The following ARHGAP6 variants were observed in gnomAD, a reference collection of about 807,000 sequenced individuals.
ARHGAP6 encodes Rho GTPase activating protein 6.
A neutral mutation model predicts 55.7 loss-of-function variants in ARHGAP6; 16 were observed. That is an observed-to-expected ratio of 0.29 (90% confidence interval 0.19 to 0.44). The LOEUF (loss-of-function observed/expected upper bound fraction) is 0.44, where lower values mean the gene tolerates loss of function less well. Ranked by LOEUF, ARHGAP6 falls within the 20% of genes least tolerant of loss-of-function variation. The pLI is 1.00. For missense variants in ARHGAP6, 698 were observed against 808.9 expected (o/e 0.86, Z 1.66); for synonymous variants, 382 against 360.9 (o/e 1.06, Z -0.66).
At chrX:11,411,642 G>C (rs1031670995) in intron 1 of ARHGAP6, among the ~76,000 whole-genome samples, 2 of 110,496 alleles carry the variant, frequency 1.8e-5, no homozygotes, top group Non-Finnish European at 3.8e-5. Context: ...AAAATAAAAA[G>C]GTGTTTCCCC....
At chrX:11,168,776 A>G (rs1423375319) in intron 9 of ARHGAP6, among the ~76,000 whole-genome samples, 1 of 112,192 alleles carries the variant, frequency 8.9e-6, no homozygotes, top group Non-Finnish European at 1.9e-5. Flanking sequence ...GAGAGTTGGC[A>G]TTTGTTTTAA....
intron 1 of ARHGAP6, among the ~76,000 whole-genome samples, chrX:11,647,342 C>G (rs1053260561): frequency 3.6e-5 from 4 of 112,057 alleles, no homozygotes; most frequent in Non-Finnish European, 7.5e-5. Flanking sequence ...TCTTCCTCCC[C>G]CTTCTGACAG....
In ARHGAP6 at chrX:11,574,344, A is replaced by G. The variant is rs1322635324; in HGVS notation, c.588+89897T>C. Among the ~76,000 whole-genome samples, 248 of 110,156 alleles carry G rather than the reference A, an allele frequency of 2.3e-3. 2 individuals carry two copies. Among genetic ancestry groups the G allele is most frequent in the Admixed American group, 4.8e-3 (50 of 10,317 alleles). The stretch of plus-strand genomic sequence containing the variant: ...ATCCTCAATAAAATACTGGCAAACC[A>G]AATCCAGCAGCACATCAAAAAGCTT... On this transcript the variant is annotated intron_variant, in intron 1 of 12. Coordinates refer to ENST00000337414, the MANE Select transcript of ARHGAP6 (RefSeq NM_013427.3).
At chrX:11,480,009 G>A (rs1274597536) in intron 1 of ARHGAP6, among the ~76,000 whole-genome samples, 1 of 111,414 alleles carries the variant, frequency 9.0e-6, no homozygotes, top group East Asian at 2.8e-4. Context: ...TTAAGTCAGG[G>A]TAATAATGAA....
intron 1 of ARHGAP6, among the ~76,000 whole-genome samples, chrX:11,267,970 A>G (rs1224831064): frequency 8.9e-6 from 1 of 112,496 alleles, no homozygotes; most frequent in East Asian, 2.8e-4. Context: ...AAAAGGTTCC[A>G]TCTGTGGAAG....
chrX:11,494,215 C>T (rs1345404893), intron 1 of ARHGAP6, among the ~76,000 whole-genome samples: 1 of 112,184 alleles, frequency 8.9e-6, no homozygotes, highest in African/African-American at 3.2e-5. Context: ...AAATCCTCCC[C>T]TCCAACCCAG....
At chrX:11,161,681 A>C (rs1033453864) in intron 9 of ARHGAP6, among the ~76,000 whole-genome samples, 1 of 112,561 alleles carries the variant, frequency 8.9e-6, no homozygotes, top group Non-Finnish European at 1.9e-5. Context: ...TAAGTTAAAC[A>C]CTTGAAAAAA....
chrX:11,232,194 C>T (rs1235232842), intron 2 of ARHGAP6, among the ~76,000 whole-genome samples: 1 of 111,962 alleles, frequency 8.9e-6, no homozygotes, highest in Non-Finnish European at 1.9e-5. Flanking sequence ...TTCTCTCTAA[C>T]TGTATGTTTG....
chrX:11,365,669 T>C (rs1191170855), intron 1 of ARHGAP6, among the ~76,000 whole-genome samples: 4 of 112,460 alleles, frequency 3.6e-5, no homozygotes, highest in Non-Finnish European at 7.5e-5. Context: ...AATTGTTCAT[T>C]TATCTTTTGG....
At chrX:11,367,874 A>G in intron 1 of ARHGAP6, 2 of 643,722 alleles carry the variant, frequency 3.1e-6, no homozygotes, top group Non-Finnish European at 3.7e-6. Context: ...TTGGCAAAGC[A>G]ACAAGGTCAA....
At chrX:11,318,870 G>A (rs1207795605) in intron 1 of ARHGAP6, among the ~76,000 whole-genome samples, 1 of 112,131 alleles carries the variant, frequency 8.9e-6, no homozygotes, top group Non-Finnish European at 1.9e-5. Context: ...GACAGCAGCT[G>A]CCAAGAAGAC....
intron 1 of ARHGAP6, among the ~76,000 whole-genome samples, chrX:11,631,867 T>C (rs2052365240): frequency 8.9e-6 from 1 of 111,796 alleles, no homozygotes; most frequent in Non-Finnish European, 1.9e-5. Context: ...TGTCATAAAA[T>C]ATTGTTTTGA....
At chrX:11,361,332 C>T (rs2147693364) in intron 1 of ARHGAP6, among the ~76,000 whole-genome samples, 1 of 110,074 alleles carries the variant, frequency 9.1e-6, no homozygotes, top group South Asian at 3.9e-4. Context: ...TAGAACAGAG[C>T]CCTCAGAAAT....
At chrX:11,604,555 T>C (rs769495919) in intron 1 of ARHGAP6, among the ~76,000 whole-genome samples, 10 of 111,783 alleles carry the variant, frequency 8.9e-5, no homozygotes, top group Non-Finnish European at 1.7e-4. Context: ...CTGCTATTTA[T>C]TGTGTAACTG....
intron 1 of ARHGAP6, among the ~76,000 whole-genome samples, chrX:11,593,474 G>T (rs2051863422): frequency 8.9e-6 from 1 of 111,858 alleles, no homozygotes; most frequent in Non-Finnish European, 1.9e-5. Context: ...GGATTTTTAG[G>T]GTAATGAAAC....
In ARHGAP6 at chrX:11,188,672, C is replaced by T. The variant is rs946140752; in HGVS notation, c.1077+56G>A. 29 of 1,163,921 alleles carry T rather than the reference C, an allele frequency of 2.5e-5. No individual in the cohort carries two copies. In the African/African-American group the frequency reaches 4.9e-4, roughly 19 times the overall value. Reference sequence around the variant, plus strand: ...ACATGAACAAAAACGCAAAGAATAACTGTACATCTTCAGTTTTCCTAGCAC... The same window carrying T: ...ACATGAACAAAAACGCAAAGAATAATTGTACATCTTCAGTTTTCCTAGCAC... On this transcript the variant is annotated intron_variant, in intron 4 of 12. Transcript: ENST00000337414.
intron 1 of ARHGAP6, among the ~76,000 whole-genome samples, chrX:11,625,990 T>A (rs1330234012): frequency 9.0e-6 from 1 of 111,278 alleles, no homozygotes; most frequent in Non-Finnish European, 1.9e-5. Context: ...AAAAACAGAA[T>A]AAGAGAAAAG....
chrX:11,579,269 A>T lies in ARHGAP6; in HGVS notation c.588+84972T>A, dbSNP rs2051638033. On this transcript the variant is annotated intron_variant, in intron 1 of 12. Transcript: ENST00000337414. ...TGGACGATCATGGGCCCAATGAGGA[A>T]AAGAAAACAATTTTAACGACAGATT... Among the ~76,000 whole-genome samples the T allele has an allele frequency of 2.7e-5, 3 of 111,629 alleles. No homozygotes were observed. The Admixed American group carries it at 2.9e-4, about 11-fold the overall frequency.
At chrX:11,563,187 A>C (rs1443100182) in intron 1 of ARHGAP6, among the ~76,000 whole-genome samples, 1 of 112,289 alleles carries the variant, frequency 8.9e-6, no homozygotes, top group East Asian at 2.8e-4. Flanking sequence ...TAGAAAATTC[A>C]TAAGAAAATA....
Sources: gnomAD v4.1 joint callset for allele counts (sites outside exome capture counted in the v4.1 genomes callset) on GRCh38, gnomAD v4.1.1 for gene constraint, MANE v1.5 for transcripts, NCBI Gene and HGNC (gene_info 2026-07-23, HGNC 2026-07-21) for gene names.